The following DPYD variants were observed in gnomAD, a reference collection of about 807,000 sequenced individuals.
DPYD encodes dihydropyrimidine dehydrogenase [NADP(+)].
In DPYD, 109 loss-of-function variants were observed where a neutral mutation model predicts 116.2. The ratio of observed to expected loss-of-function variants is 0.94; its 90% CI spans 0.80 to 1.10. The LOEUF is 1.10. Ranked by LOEUF, DPYD falls within the 50% of genes least tolerant of loss-of-function variation. The pLI, the probability that DPYD is intolerant of heterozygous loss-of-function variation, is 0.00. For missense variants in DPYD, 1,302 were observed against 1,254.5 expected (o/e 1.04, Z -0.57); for synonymous variants, 440 against 432.0 (o/e 1.02, Z -0.23).
intron 16 of DPYD, among the ~76,000 whole-genome samples, chr1:97,355,592 G>A (rs1570582706): frequency 6.6e-6 from 1 of 151,968 alleles, no homozygotes; most frequent in East Asian, 1.9e-4. Flanking sequence ...CCCACCCCGA[G>A]CTTCTGGTAA....
At chr1:97,473,999 G>C (rs1677804214) in intron 13 of DPYD, among the ~76,000 whole-genome samples, 1 of 132,550 alleles carries the variant, frequency 7.5e-6, no homozygotes, top group African/African-American at 2.8e-5. Context: ...CTGGGCAACA[G>C]AGTGAGAAAC....
Position 97,098,426 on chromosome 1 carries a change from T to A in DPYD, c.2766+63A>T, listed in dbSNP as rs1435512180. 6.4e-6 allele frequency: 10 copies of A among 1,558,406 alleles called. No individual in the cohort carries two copies. The African/African-American group carries it at 1.4e-4, about 21-fold the overall frequency. On this transcript the variant is annotated intron_variant, in intron 21 of 22. Transcript: ENST00000370192. ...ACATTTAAGCAGTAAATAAACATTT[T>A]AACTATATTTGTATATTTAACCAGT...
chr1:97,211,041 A>C (rs1190418861), intron 19 of DPYD, among the ~76,000 whole-genome samples: 1 of 152,184 alleles, frequency 6.6e-6, no homozygotes, highest in Non-Finnish European at 1.5e-5. Flanking sequence ...ACGACAGCTA[A>C]GATGATTATT....
At chr1:97,331,320 AT>A (rs1668985963) in intron 16 of DPYD, among the ~76,000 whole-genome samples, 1 of 152,038 alleles carries the variant, frequency 6.6e-6, no homozygotes, top group African/African-American at 2.4e-5. Flanking sequence ...AAAAGAGGAA[AT>A]TAAAAAGTTA....
chr1:97,121,154 C>T (rs929678390), intron 20 of DPYD, among the ~76,000 whole-genome samples: 2 of 152,164 alleles, frequency 1.3e-5, no homozygotes, highest in African/African-American at 4.8e-5. Flanking sequence ...TGCACTAGTG[C>T]CATGGTGGAG....
rs190524286 is a variant in DPYD, at chr1:97,834,352, A to G, written c.151-6156T>C. 5.3e-3 allele frequency among the ~76,000 whole-genome samples: 813 copies of G among 152,144 alleles called. 9 individuals carry two copies. The highest frequency in any genetic ancestry group is 0.017 in the African/African-American group (724 of 41,544). ...CTAATCATTGAGACACCAAGGTTTAAAACCTTTTTTTTAACTCCTTATTTT... is the reference window on the plus strand; with the variant it reads ...CTAATCATTGAGACACCAAGGTTTAGAACCTTTTTTTTAACTCCTTATTTT... On this transcript the variant is annotated intron_variant, in intron 2 of 22. Coordinates refer to ENST00000370192, the MANE Select transcript of DPYD (RefSeq NM_000110.4).
intron 8 of DPYD, among the ~76,000 whole-genome samples, chr1:97,622,205 T>C (rs1656671990): frequency 6.6e-6 from 1 of 152,016 alleles, no homozygotes; most frequent in South Asian, 2.1e-4. Context: ...TGGAGAAACC[T>C]GACATACACT....
intron 14 of DPYD, among the ~76,000 whole-genome samples, chr1:97,412,850 G>T (rs949838874): frequency 1.3e-5 from 2 of 152,068 alleles, no homozygotes; most frequent in African/African-American, 4.8e-5. Flanking sequence ...ACTCCACTTG[G>T]TCTATCATTT....
intron 12 of DPYD, among the ~76,000 whole-genome samples, chr1:97,530,407 C>CG (rs1649531206): frequency 6.6e-6 from 1 of 151,716 alleles, no homozygotes; most frequent in Admixed American, 6.6e-5. Flanking sequence ...TTAGTAGAGA[C>CG]GGGTTTTCAC....
intron 20 of DPYD, among the ~76,000 whole-genome samples, chr1:97,149,653 C>T (rs1037786185): frequency 1.3e-5 from 2 of 152,068 alleles, no homozygotes; most frequent in African/African-American, 4.8e-5. Context: ...ATTTGGGGAC[C>T]CAATGAAAAG....
intron 8 of DPYD, among the ~76,000 whole-genome samples, chr1:97,644,680 A>T (rs779159913): frequency 1.1e-4 from 16 of 150,752 alleles, no homozygotes; most frequent in Non-Finnish European, 2.1e-4. Context: ...GGCTGGTCTC[A>T]AACTCCTGAC....
At chr1:97,754,918 A>G (rs887933975) in intron 3 of DPYD, among the ~76,000 whole-genome samples, 1 of 152,218 alleles carries the variant, frequency 6.6e-6, no homozygotes, top group South Asian at 2.1e-4. Flanking sequence ...TCATTTGTTG[A>G]TTAAATGAAT....
chr1:97,081,063 GC>G (rs1258471067), intron 22 of DPYD, among the ~76,000 whole-genome samples: 3 of 151,974 alleles, frequency 2.0e-5, no homozygotes, highest in African/African-American at 7.2e-5. Flanking sequence ...GGTTAAGACA[GC>G]TTTTAGCTAG....
Position 97,382,903 on chromosome 1 carries a change from G to T in DPYD, c.1906-442C>A, listed in dbSNP as rs189250250. 2.6e-3 allele frequency among the ~76,000 whole-genome samples: 397 copies of T among 152,174 alleles called. 4 individuals carry two copies. Among genetic ancestry groups the T allele is most frequent in the African/African-American group, 8.8e-3 (366 of 41,530 alleles). ...AGTGATGGAAAAGAAAAAAAATAGT[G>T]TCTCTTTCAAACATAACTCACTATA... On this transcript the variant is annotated intron_variant, in intron 14 of 22. Transcript: ENST00000370192.
chr1:97,325,651 C>A (rs1416685051), intron 16 of DPYD, among the ~76,000 whole-genome samples: 1 of 151,930 alleles, frequency 6.6e-6, no homozygotes. Flanking sequence ...GGAGTGATTA[C>A]TTTTTATTAA....
At chr1:97,318,894 G>A (rs1315414541) in intron 16 of DPYD, among the ~76,000 whole-genome samples, 3 of 148,544 alleles carry the variant, frequency 2.0e-5, no homozygotes, top group South Asian at 2.2e-4. Flanking sequence ...TCAGACAACA[G>A]TGCAATCAAA....
intron 18 of DPYD, among the ~76,000 whole-genome samples, chr1:97,283,854 A>G (rs1665489078): frequency 6.6e-6 from 1 of 152,260 alleles, no homozygotes; most frequent in South Asian, 2.1e-4. Flanking sequence ...CACTGGGTCC[A>G]AGAGTATAAG....
intron 8 of DPYD, 95 bp downstream of exon 8, chr1:97,679,000 T>A: frequency 1.8e-6 from 1 of 555,998 alleles, no homozygotes; most frequent in South Asian, 3.4e-5. Context: ...ATAACTTTCA[T>A]CACGAAAATG....
chr1:97,393,443 C>T (rs925344683), intron 14 of DPYD, among the ~76,000 whole-genome samples: 1 of 151,716 alleles, frequency 6.6e-6, no homozygotes, highest in Admixed American at 6.6e-5. Context: ...TCCCTCCCCA[C>T]TCCCCCCACC....
Sources: allele counts gnomAD v4.1 joint callset (sites outside exome capture counted in the v4.1 genomes callset), GRCh38; gene constraint gnomAD v4.1.1; transcripts MANE v1.5; gene names NCBI Gene and HGNC (gene_info 2026-07-23, HGNC 2026-07-21).